Variants in SBF2 observed in about 807,000 individuals in gnomAD.
SBF2 encodes SET binding factor 2.
Under a neutral mutation model 225.2 loss-of-function variants are expected in SBF2, and 112 were observed. The ratio of observed to expected loss-of-function variants is 0.50; its 90% CI spans 0.43 to 0.58. The LOEUF (loss-of-function observed/expected upper bound fraction) is 0.58, where lower values mean the gene tolerates loss of function less well. SBF2 is among the 20% of genes least tolerant of loss of function. The pLI is 0.00. For missense variants in SBF2, 1,996 were observed against 2,206.2 expected, an observed-to-expected ratio of 0.90 and a Z score of 1.91; for synonymous variants, 763 against 773.3, an observed-to-expected ratio of 0.99 and a Z score of 0.22.
chr11:9,832,564 CAT>C (rs949322701), intron 26 of SBF2, 144 bp from the exon 27 acceptor site: 1 of 677,436 alleles, frequency 1.5e-6, no homozygotes, highest in Non-Finnish European at 2.6e-6. Context: ...GATTCAGAAA[CAT>C]ATTAGTTGAA....
intron 1 of SBF2, among the ~76,000 whole-genome samples, chr11:10,223,315 A>C (rs1310669040): frequency 6.7e-6 from 1 of 148,892 alleles, no homozygotes; most frequent in Non-Finnish European, 1.5e-5. Context: ...ATCTGCACAT[A>C]ACTTTTAACT....
At chr11:10,029,266 C>T (rs542547174) in intron 5 of SBF2, among the ~76,000 whole-genome samples, 1 of 152,158 alleles carries the variant, frequency 6.6e-6, no homozygotes, top group Non-Finnish European at 1.5e-5. Flanking sequence ...ACTTTAGAGA[C>T]AAATATGAAA....
At chr11:10,265,733 G>T (rs1053799868) in intron 1 of SBF2, among the ~76,000 whole-genome samples, 1 of 152,094 alleles carries the variant, frequency 6.6e-6, no homozygotes, top group African/African-American at 2.4e-5. Context: ...TACCCAGGTT[G>T]GAGTACAAGT....
intron 16 of SBF2, chr11:9,961,108 A>T (rs956935138): frequency 6.6e-6 from 1 of 152,024 alleles, no homozygotes; most frequent in African/African-American, 2.4e-5. Flanking sequence ...GTCTCTGTAG[A>T]TTGTTTTGGG....
chr11:9,992,446 G>C lies in SBF2; in HGVS notation c.1265C>G (p.Pro422Arg), dbSNP rs1201956778. 6.2e-7 allele frequency: 1 copy of C among 1,613,010 alleles called. No homozygotes were observed. Among genetic ancestry groups the C allele is most frequent in the Non-Finnish European group, 8.5e-7 (1 of 1,179,338 alleles). ...AAAGAGATCACAAGATCTATAAGGA[G>C]GACCTCTTTCTGAAACAAAACCTGC... ...AFAGFVSERG[P>R]PYRSCDLFDE... The change falls in exon 12 of 40, where the codon CCT (proline) becomes CGT (arginine). Residue 422 changes from proline to arginine, a missense_variant. Pro to Arg is a moderately radical substitution (Grantham distance 103). Coordinates refer to ENST00000256190, the MANE Select transcript of SBF2 (RefSeq NM_030962.4).
chr11:10,181,155 A>G (rs754485539), intron 2 of SBF2, among the ~76,000 whole-genome samples: 1 of 152,112 alleles, frequency 6.6e-6, no homozygotes, highest in Non-Finnish European at 1.5e-5. Context: ...TTTAAGTATC[A>G]GAAATAAAGA....
chr11:9,784,274 C>T lies in SBF2; in HGVS notation c.5319+77G>A, dbSNP rs1357707672. On this transcript the variant is annotated intron_variant, in intron 38 of 39. Coordinates refer to ENST00000256190, the MANE Select transcript of SBF2 (RefSeq NM_030962.4). ...GTCTGTACATGAGGAATCTATCTGT[C>T]TGCTAGAGCCACATAATAGCCAGGG... 28 of 1,083,294 alleles carry T rather than the reference C, an allele frequency of 2.6e-5. No homozygotes were observed. In the Admixed American group the frequency reaches 3.7e-4, roughly 14 times the overall value. 67.1% of individuals were successfully genotyped at this position (1,083,294 alleles called of 1,614,324 possible).
intron 1 of SBF2, among the ~76,000 whole-genome samples, chr11:10,230,158 T>G (rs1958769723): frequency 2.0e-5 from 3 of 152,190 alleles, no homozygotes; most frequent in Admixed American, 2.0e-4. Flanking sequence ...TTGTTTTCCG[T>G]TTGCTTGGTA....
At chr11:10,091,618 C>T (rs374406835) in intron 2 of SBF2, among the ~76,000 whole-genome samples, 1 of 152,110 alleles carries the variant, frequency 6.6e-6, no homozygotes, top group African/African-American at 2.4e-5. Flanking sequence ...GTCTGTAATA[C>T]AGATAATTTT....
At chr11:10,026,579 A>C (rs1480219551) in intron 6 of SBF2, among the ~76,000 whole-genome samples, 6 of 152,150 alleles carry the variant, frequency 3.9e-5, no homozygotes, top group Non-Finnish European at 8.8e-5. Context: ...AAACAAAAAA[A>C]TTAAAAAAAT....
At chr11:10,218,596 A>C (rs971895622) in intron 1 of SBF2, among the ~76,000 whole-genome samples, 3 of 152,158 alleles carry the variant, frequency 2.0e-5, no homozygotes, top group Admixed American at 2.0e-4. Context: ...TCCACCTACG[A>C]GCCTGTAAAA....
intron 17 of SBF2, among the ~76,000 whole-genome samples, chr11:9,877,132 T>A (rs1450806141): frequency 6.6e-6 from 1 of 152,186 alleles, no homozygotes; most frequent in Admixed American, 6.5e-5. Context: ...TGAAATGCTA[T>A]GCTACAACCT....
At chr11:9,899,974 G>T (rs1183247855) in intron 16 of SBF2, among the ~76,000 whole-genome samples, 3 of 151,494 alleles carry the variant, frequency 2.0e-5, no homozygotes, top group African/African-American at 7.3e-5. Context: ...CTGTTACTTG[G>T]GGGGAATTGG....
intron 2 of SBF2, among the ~76,000 whole-genome samples, chr11:10,096,056 C>A (rs1193056167): frequency 6.6e-6 from 1 of 152,084 alleles, no homozygotes; most frequent in Non-Finnish European, 1.5e-5. Context: ...GAACCAGGAG[C>A]CATAAAATGC....
chr11:9,888,033 G>C (rs997028037), intron 17 of SBF2, among the ~76,000 whole-genome samples: 1 of 151,734 alleles, frequency 6.6e-6, no homozygotes, highest in Non-Finnish European at 1.5e-5. Context: ...TATGAAAGTC[G>C]GCATATTTGT....
intron 2 of SBF2, among the ~76,000 whole-genome samples, chr11:10,052,946 A>G (rs1440490350): frequency 6.6e-5 from 10 of 152,324 alleles, no homozygotes; most frequent in African/African-American, 2.4e-4. Context: ...ATAAAATGAA[A>G]GTGAAATAAA....
chr11:9,853,359 C>T (rs2133991866), intron 20 of SBF2, among the ~76,000 whole-genome samples, 181 bp downstream of exon 20: 1 of 152,272 alleles, frequency 6.6e-6, no homozygotes, highest in South Asian at 2.1e-4. Flanking sequence ...CTGAATTGTA[C>T]ACTTAGATTA....
rs1416884804 is a variant in SBF2 at position 9,784,348 on chromosome 11, T to C, written c.5319+3A>G. The C allele has an allele frequency of 6.2e-7, 1 of 1,609,208 alleles. No individual in the cohort carries two copies. The highest frequency in any genetic ancestry group is 2.2e-5 in the East Asian group (1 of 44,888). On this transcript the variant is annotated splice_donor_region_variant and intron_variant, in intron 38 of 39. Transcript: ENST00000256190. ...TAATTTCTTTTGGCTTTAAGAGTATTACCTGATGTTTTGTTACATCCAAAA... is the reference window on the plus strand; with the variant it reads ...TAATTTCTTTTGGCTTTAAGAGTATCACCTGATGTTTTGTTACATCCAAAA...
At chr11:9,845,224 C>T (rs1268254394) in intron 24 of SBF2, among the ~76,000 whole-genome samples, 1 of 152,040 alleles carries the variant, frequency 6.6e-6, no homozygotes, top group African/African-American at 2.4e-5. Flanking sequence ...GCAAATCTGT[C>T]CACTGGGCCT....
Sources: gnomAD v4.1 joint callset for allele counts (sites outside exome capture counted in the v4.1 genomes callset) on GRCh38, gnomAD v4.1.1 for gene constraint, MANE v1.5 for transcripts, NCBI Gene and HGNC (gene_info 2026-07-23, HGNC 2026-07-21) for gene names.